The following IQCH variants were observed in gnomAD, a reference collection of about 807,000 sequenced individuals.
IQCH encodes the protein IQ domain-containing protein H.
In IQCH, 98 loss-of-function variants were observed where a neutral mutation model predicts 117.0. That is an observed-to-expected ratio of 0.84 (90% CI 0.71 to 0.99). The LOEUF is 0.99. Among genes scored for constraint, IQCH ranks in the 50% least tolerant of loss-of-function variants. The probability of loss-of-function intolerance (pLI) is 0.00; values close to 1 mark genes in which losing one functional copy is unlikely to be tolerated. For missense variants in IQCH, 1,102 were observed against 1,243.8 expected (o/e 0.89, Z 1.72); for synonymous variants, 412 against 448.2 (o/e 0.92, Z 1.02).
chr15:67,398,708 A>G (rs573216890), intron 13 of IQCH, among the ~76,000 whole-genome samples: 1 of 152,052 alleles, frequency 6.6e-6, no homozygotes, highest in African/African-American at 2.4e-5. Context: ...GTAAATCATG[A>G]GTCCTTTCAC....
At position 67,357,347 on chromosome 15, in the gene IQCH, A is replaced by C; in HGVS notation, c.640A>C (p.Thr214Pro). 6.2e-7 allele frequency: 1 copy of C among 1,603,380 alleles called. No homozygotes were observed. The highest frequency in any genetic ancestry group is 8.5e-7 in the Non-Finnish European group (1 of 1,170,188). ...DEARKIPTVA[T>P]FTIPREPPPS... ...ACATGTACTATCTTCATCCACAGCC[A>C]CTTTCACTATACCTCGGGAACCACC... Residue 214 changes from threonine (T) to proline (P), a missense_variant and splice_region_variant, in exon 7 of 21, where the codon ACT becomes CCT. Around this residue, in one of 2 missense-constraint regions of IQCH, gnomAD observed 452 missense variants for 449.6 expected, o/e 1.01. Coordinates refer to ENST00000335894, the MANE Select transcript of IQCH (RefSeq NM_001031715.3).
At chr15:67,420,033 G>A (rs1339526732) in intron 15 of IQCH, among the ~76,000 whole-genome samples, 1 of 151,580 alleles carries the variant, frequency 6.6e-6, no homozygotes, top group African/African-American at 2.4e-5. Context: ...TTTTGTCATT[G>A]TTGTTTTGTT....
chr15:67,280,695 G>C (rs1372778326), intron 4 of IQCH, among the ~76,000 whole-genome samples: 1 of 152,034 alleles, frequency 6.6e-6, no homozygotes. Context: ...TGGGCGGGGG[G>C]AGGCGGGGCA....
At chr15:67,255,626 C>T (rs958272482) in intron 1 of IQCH, among the ~76,000 whole-genome samples, 3 of 152,292 alleles carry the variant, frequency 2.0e-5, no homozygotes, top group South Asian at 2.1e-4. Context: ...CATATATCAT[C>T]GGTTTTAACT....
chr15:67,416,816 TA>T lies in IQCH; in HGVS notation c.2098-112del. On this transcript the variant is annotated intron_variant, in intron 14 of 20. Coordinates refer to ENST00000335894, the MANE Select transcript of IQCH (RefSeq NM_001031715.3). This position sits in a 1 kb window ranked among gnomAD's most constrained non-coding sequence, Gnocchi z 5.1. ...TTCAAAATGGCTTTCTGACTCTGGGTAAACAGTAACCACATTTTTTTTGCCT... is the reference window on the plus strand; with the variant it reads ...TTCAAAATGGCTTTCTGACTCTGGGTAACAGTAACCACATTTTTTTTGCCT... 1.3e-6 allele frequency: 1 copy of T among 759,898 alleles called. No homozygotes were observed. The highest frequency in any genetic ancestry group is 1.9e-6 in the Non-Finnish European group (1 of 522,644). The allele number at this position is 759,898 out of a possible 1,614,324, so 47.1% of individuals were successfully genotyped here.
intron 4 of IQCH, chr15:67,306,795 G>A: frequency 1.3e-6 from 2 of 1,484,336 alleles, no homozygotes; most frequent in Non-Finnish European, 1.8e-6. Flanking sequence ...CTGCCAAATA[G>A]TAACAAACAA....
At position 67,417,016 on chromosome 15, in the gene IQCH, C is replaced by T. The variant is rs751089797; in HGVS notation, c.2183C>T (p.Thr728Met). 1.1e-5 allele frequency: 18 copies of T among 1,610,060 alleles called. No individual in the cohort carries two copies. The East Asian group carries it at 1.3e-4, about 12-fold the overall frequency. Residue 728 changes from threonine (T) to methionine (M), a missense_variant, in exon 15 of 21, where the codon ACG becomes ATG. By Grantham distance (81) the Thr-to-Met change is moderately conservative. This residue lies in a region of IQCH where 650 missense variants were observed against 794.3 expected (regional missense o/e 0.82). Coordinates refer to ENST00000335894, the MANE Select transcript of IQCH (RefSeq NM_001031715.3). This position sits in a 1 kb window ranked among gnomAD's most constrained non-coding sequence, Gnocchi z 4.3. The stretch of plus-strand genomic sequence containing the variant: ...CCAGTCAATGAGAAACGGTTCCCGA[C>T]GTGGAGGAAATTCCTCCAAACATTT... ...AQPVNEKRFPTWRKFLQTFLS... is the reference protein window; with the variant it reads ...AQPVNEKRFPMWRKFLQTFLS...
intron 6 of IQCH, among the ~76,000 whole-genome samples, chr15:67,346,351 C>T (rs1458863949): frequency 6.6e-6 from 1 of 152,000 alleles, no homozygotes; most frequent in Non-Finnish European, 1.5e-5. Context: ...TGGTCCCCAA[C>T]CTTTTTGACA....
chr15:67,478,909 C>T (rs1428277793), intron 18 of IQCH, among the ~76,000 whole-genome samples: 2 of 149,408 alleles, frequency 1.3e-5, no homozygotes, highest in African/African-American at 4.9e-5. Context: ...GGTGACAGAG[C>T]AAGACTCTGT....
At chr15:67,325,154 A>G (rs1567097535) in intron 4 of IQCH, among the ~76,000 whole-genome samples, 1 of 152,058 alleles carries the variant, frequency 6.6e-6, no homozygotes, top group Admixed American at 6.6e-5. Context: ...TTGCTCTTCA[A>G]GTTCCCTACC....
chr15:67,280,837 G>GTTATTATTA lies in IQCH; in HGVS notation c.387+1344_387+1352dup, dbSNP rs61573874. ...CTTCAGAACAATCCTAGAAGGAGGT[G>GTTATTATTA]TTATTATTATTATTATTATTATTAT... is the stretch of plus-strand genomic sequence containing the variant. On this transcript the variant is annotated intron_variant, in intron 4 of 20. Coordinates refer to ENST00000335894, the MANE Select transcript of IQCH (RefSeq NM_001031715.3). Among the ~76,000 whole-genome samples the GTTATTATTA allele has an allele frequency of 6.8e-3, 851 of 125,128 alleles. 7 individuals are homozygous for GTTATTATTA. Among genetic ancestry groups the GTTATTATTA allele is most frequent in the African/African-American group, 0.022 (771 of 35,074 alleles). 82.1% of individuals were successfully genotyped at this position (125,128 alleles called of 152,430 possible).
rs374869373 is a variant in IQCH at position 67,318,710 on chromosome 15, A to T, written c.388-18265A>T. Among the ~76,000 whole-genome samples the T allele has an allele frequency of 6.6e-5, 10 of 152,338 alleles. 1 individual carries two copies. In the East Asian group the frequency reaches 7.7e-4, roughly 12 times the overall value. ...AAAATTGATAGATCAATGGAATAAA[A>T]AACTCAGCGTAGATATTGCCCTTAG... On this transcript the variant is annotated intron_variant, in intron 4 of 20. Coordinates refer to ENST00000335894, the MANE Select transcript of IQCH (RefSeq NM_001031715.3).
rs1009044040 is a variant in IQCH, at chr15:67,407,723, G to A, written c.2097+7418G>A. On this transcript the variant is annotated intron_variant, in intron 14 of 20. Coordinates refer to ENST00000335894, the MANE Select transcript of IQCH (RefSeq NM_001031715.3). The surrounding 1 kb of genome is among the most constrained non-coding windows in gnomAD (Gnocchi z 5.3). The stretch of plus-strand genomic sequence containing the variant: ...ATTACAGCGTTTTGCCATTAAATAG[G>A]AAGCTTTGTGTAAACTAATTACTAG... 1.3e-5 allele frequency: 2 copies of A among 152,138 alleles called. No homozygotes were observed. Among genetic ancestry groups the A allele is most frequent in the African/African-American group, 4.8e-5 (2 of 41,426 alleles). The allele number at this position is 152,138 out of a possible 1,614,324, so 9.4% of individuals were successfully genotyped here. A position where few individuals can be genotyped will look rare whatever the true frequency, so the allele number is the denominator to read the frequency against.
Position 67,426,957 on chromosome 15 carries a change from G to T in IQCH, c.2505+5380G>T. 6.6e-6 allele frequency among the ~76,000 whole-genome samples: 1 copy of T among 151,712 alleles called. No individual in the cohort carries two copies. The highest frequency in any genetic ancestry group is 1.5e-5 in the Non-Finnish European group (1 of 67,976). The stretch of plus-strand genomic sequence containing the variant: ...GCTGTGATTGTACCACTGTACTCCA[G>T]CCTGGGCAACAGAGACCCAGTATCC... On this transcript the variant is annotated intron_variant, in intron 16 of 20. Transcript: ENST00000335894. This position sits in a 1 kb window ranked among gnomAD's most constrained non-coding sequence, Gnocchi z 5.1.
At chr15:67,275,469 T>C (rs1716258914) in intron 3 of IQCH, among the ~76,000 whole-genome samples, 1 of 152,134 alleles carries the variant, frequency 6.6e-6, no homozygotes. Flanking sequence ...ATGTTTGTTT[T>C]TAGTTTTCTG....
At chr15:67,449,042 A>G (rs1301407784) in intron 16 of IQCH, among the ~76,000 whole-genome samples, 4 of 144,798 alleles carry the variant, frequency 2.8e-5, no homozygotes, top group African/African-American at 1.0e-4. Context: ...GTGTCTGTTC[A>G]TATCCTTCGC....
At chr15:67,263,639 AG>A (rs1269612876) in intron 3 of IQCH, among the ~76,000 whole-genome samples, 4 of 151,972 alleles carry the variant, frequency 2.6e-5, no homozygotes, top group African/African-American at 9.7e-5. Flanking sequence ...TTATAGTGAA[AG>A]GTATCTAAAA....
chr15:67,367,133 G>A (rs1341025284), intron 8 of IQCH, among the ~76,000 whole-genome samples: 4 of 152,192 alleles, frequency 2.6e-5, no homozygotes, highest in Non-Finnish European at 5.9e-5. Flanking sequence ...GAGGAAGGTG[G>A]TAACAGACTA....
In IQCH at chr15:67,376,036, C is replaced by A. The variant is rs1341841927; in HGVS notation, c.1372+2603C>A. On this transcript the variant is annotated intron_variant, in intron 10 of 20. Transcript: ENST00000335894. The surrounding 1 kb of genome is among the most constrained non-coding windows in gnomAD (Gnocchi z 5.0). ...CCCTGACCTCAAGTGATCCACCAGC[C>A]TCGGCCTCCCAAAGTGCTGGGATTA... Among the ~76,000 whole-genome samples the A allele has an allele frequency of 6.6e-6, 1 of 152,118 alleles. No individual in the cohort carries two copies.
Sources: gnomAD v4.1 joint callset for allele counts (sites outside exome capture counted in the v4.1 genomes callset) on GRCh38, gnomAD v4.1.1 for gene constraint, gnomAD v4.1.1 regional missense constraint, Gnocchi (gnomAD v3.1) non-coding constraint, MANE v1.5 for transcripts, NCBI Gene and HGNC (gene_info 2026-07-23, HGNC 2026-07-21) for gene names.